Variants in KCNH1 observed in about 807,000 individuals in gnomAD.
The protein encoded by KCNH1 is potassium voltage-gated channel subfamily H member 1.
KCNH1 carries 27 observed loss-of-function variants against 69.2 expected under a neutral mutation model. The observed-to-expected ratio is 0.39, with a 90% confidence interval of 0.29 to 0.54. The LOEUF is 0.54. KCNH1 is among the 20% of genes least tolerant of loss of function. The probability of loss-of-function intolerance (pLI) is 0.68; values close to 1 mark genes in which losing one functional copy is unlikely to be tolerated. For synonymous variants in KCNH1, 456 were observed against 487.7 expected (o/e 0.93, Z 0.86); for missense variants, 798 against 1,261.6 (o/e 0.63, Z 5.57).
intron 10 of KCNH1, among the ~76,000 whole-genome samples, chr1:210,756,036 C>G (rs1683392521): frequency 6.6e-6 from 1 of 152,222 alleles, no homozygotes; most frequent in Non-Finnish European, 1.5e-5. Flanking sequence ...ACGCTGCTAG[C>G]TATGGAACCC....
At chr1:210,791,466 A>G (rs554482143) in intron 9 of KCNH1, among the ~76,000 whole-genome samples, 7 of 152,312 alleles carry the variant, frequency 4.6e-5, no homozygotes, top group African/African-American at 1.7e-4. Flanking sequence ...AAGGTTGCTC[A>G]GTCTACTTTA....
rs374883155 is a variant in KCNH1, at chr1:211,003,022, C to G, written c.1032+15761G>C. Among the ~76,000 whole-genome samples, 7 of 150,748 alleles carry G rather than the reference C, an allele frequency of 4.6e-5. No individual in the cohort carries two copies. The South Asian group carries it at 1.5e-3, about 32-fold the overall frequency. On this transcript the variant is annotated intron_variant, in intron 6 of 10. Transcript: ENST00000271751. ...GGCCTGTTTCGGTATGACTTGTGAG[C>G]TAAGAATGTTTTTTGTTTGTTTGTT...
chr1:211,026,745 GTGGAGAGT>G (rs1407119890), intron 5 of KCNH1, among the ~76,000 whole-genome samples: 1 of 152,166 alleles, frequency 6.6e-6, no homozygotes, highest in African/African-American at 2.4e-5. Flanking sequence ...AGGAAGCCTA[GTGGAGAGT>G]TGGGATTTCC....
chr1:210,830,428 G>C (rs1208312800), intron 7 of KCNH1, among the ~76,000 whole-genome samples: 1 of 152,172 alleles, frequency 6.6e-6, no homozygotes, highest in African/African-American at 2.4e-5. Context: ...TCAGGGTAGA[G>C]CTGACACCTG....
intron 1 of KCNH1, among the ~76,000 whole-genome samples, chr1:211,113,850 T>G (rs1691515198): frequency 6.7e-6 from 1 of 150,090 alleles, no homozygotes; most frequent in Non-Finnish European, 1.5e-5. Context: ...TCAACTGGGG[T>G]GGGTGGGGGT....
At chr1:210,925,999 C>T (rs1687565304) in intron 6 of KCNH1, among the ~76,000 whole-genome samples, 1 of 152,218 alleles carries the variant, frequency 6.6e-6, no homozygotes, top group Non-Finnish European at 1.5e-5. Flanking sequence ...AACCTCACAC[C>T]TGTAATCCCA....
At chr1:210,748,535 A>G (rs180906857) in intron 10 of KCNH1, among the ~76,000 whole-genome samples, 205 of 152,326 alleles carry the variant, frequency 1.3e-3, no homozygotes, top group Middle Eastern at 3.4e-3. Flanking sequence ...AAAAGAACCA[A>G]TATTCAACGT....
At chr1:210,740,932 G>C (rs1174712497) in intron 10 of KCNH1, among the ~76,000 whole-genome samples, 2 of 151,928 alleles carry the variant, frequency 1.3e-5, no homozygotes, top group Non-Finnish European at 2.9e-5. Context: ...TATGGCAAAG[G>C]TGACTTGTCT....
chr1:210,770,476 T>C (rs1392183602), intron 10 of KCNH1, among the ~76,000 whole-genome samples: 3 of 152,252 alleles, frequency 2.0e-5, no homozygotes, highest in Non-Finnish European at 2.9e-5. Context: ...CAAAGGCACA[T>C]AGCTGGTCAG....
At chr1:210,942,151 C>A (rs760873321) in intron 6 of KCNH1, among the ~76,000 whole-genome samples, 1 of 152,198 alleles carries the variant, frequency 6.6e-6, no homozygotes, top group Non-Finnish European at 1.5e-5. Context: ...AGTAAACATA[C>A]TTAATCATTC....
chr1:210,775,297 A>G (rs773461078), intron 10 of KCNH1, 51 bp downstream of exon 10: 2 of 1,500,102 alleles, frequency 1.3e-6, no homozygotes, highest in Non-Finnish European at 1.8e-6. Flanking sequence ...TGATTATCCA[A>G]AGTGTACAGA....
intron 10 of KCNH1, among the ~76,000 whole-genome samples, chr1:210,726,149 AG>A (rs1374577780): frequency 6.6e-6 from 1 of 152,202 alleles, no homozygotes; most frequent in East Asian, 1.9e-4. Flanking sequence ...AAAAGGAGGT[AG>A]AGTCTCCCCG....
At chr1:210,750,157 A>G (rs950331020) in intron 10 of KCNH1, among the ~76,000 whole-genome samples, 19 of 152,216 alleles carry the variant, frequency 1.2e-4, no homozygotes, top group African/African-American at 4.6e-4. Context: ...ACACTCCCAC[A>G]TACCACAGTT....
At chr1:210,990,475 T>C (rs1471767544) in intron 6 of KCNH1, among the ~76,000 whole-genome samples, 2 of 152,154 alleles carry the variant, frequency 1.3e-5, no homozygotes, top group African/African-American at 4.8e-5. Context: ...AAAAGATTCA[T>C]GATAATCTCG....
chr1:210,828,189 T>C (rs538372610), intron 7 of KCNH1, among the ~76,000 whole-genome samples: 1 of 152,122 alleles, frequency 6.6e-6, no homozygotes, highest in African/African-American at 2.4e-5. Context: ...CCTGTCTCAA[T>C]GGGTTATTGG....
chr1:210,923,445 C>T (rs1365497163), intron 6 of KCNH1, among the ~76,000 whole-genome samples: 1 of 152,192 alleles, frequency 6.6e-6, no homozygotes, highest in East Asian at 1.9e-4. Context: ...GTCCTTTCTC[C>T]ATCCTTCCTC....
intron 5 of KCNH1, among the ~76,000 whole-genome samples, chr1:211,068,975 A>G (rs985820775): frequency 3.3e-5 from 5 of 152,242 alleles, no homozygotes; most frequent in Non-Finnish European, 5.9e-5. Context: ...GGAACTATCC[A>G]GGTTCTCACA....
chr1:210,859,865 G>T, intron 7 of KCNH1: 1 of 1,182,978 alleles, frequency 8.5e-7, no homozygotes, highest in Non-Finnish European at 1.3e-6. Flanking sequence ...CATTATTAGG[G>T]AAGTGAAGAT....
chr1:211,011,821 A>T (rs1177662809), intron 6 of KCNH1, among the ~76,000 whole-genome samples: 3 of 152,224 alleles, frequency 2.0e-5, no homozygotes, highest in African/African-American at 7.2e-5. Context: ...CTCTGCTTTA[A>T]CAAGAGGCAT....
Sources: gnomAD v4.1 joint callset for allele counts (sites outside exome capture counted in the v4.1 genomes callset) on GRCh38, gnomAD v4.1.1 for gene constraint, MANE v1.5 for transcripts, NCBI Gene and HGNC (gene_info 2026-07-23, HGNC 2026-07-21) for gene names.